PTPN13: variants seen among roughly 807,000 people sequenced by gnomAD.
The protein encoded by PTPN13 is protein tyrosine phosphatase non-receptor type 13.
In PTPN13, 191 loss-of-function variants were observed where a neutral mutation model predicts 284.0. The observed-to-expected ratio is 0.67, with a 90% CI of 0.60 to 0.76. PTPN13 has a LOEUF of 0.76. Ranked by LOEUF, PTPN13 falls within the 30% of genes least tolerant of loss-of-function variation. The pLI, the probability that PTPN13 is intolerant of heterozygous loss-of-function variation, is 0.00. For synonymous variants in PTPN13, 986 were observed against 1,022.3 expected, an observed-to-expected ratio of 0.96 and a Z score of 0.68; for missense variants, 2,797 against 2,939.9, an observed-to-expected ratio of 0.95 and a Z score of 1.12.
chr4:86,720,258 G>A (rs1338638171), intron 9 of PTPN13, among the ~76,000 whole-genome samples: 1 of 152,130 alleles, frequency 6.6e-6, no homozygotes, highest in Non-Finnish European at 1.5e-5. Context: ...GGAGCCTTAT[G>A]TTAATTTTCT....
intron 26 of PTPN13, 55 bp from the exon 27 acceptor site, chr4:86,766,377 G>T: frequency 7.3e-7 from 1 of 1,368,846 alleles, no homozygotes; most frequent in Non-Finnish European, 1.0e-6. Flanking sequence ...AAGACCATAA[G>T]ATTTAAAAGA....
Position 86,807,757 on chromosome 4 carries a change from G to GA in PTPN13, c.6949dup (p.Ile2317AsnfsTer42), listed in dbSNP as rs889656659. On this transcript the variant is annotated frameshift_variant, in exon 45 of 48. Transcript: ENST00000411767. LOFTEE classifies it high-confidence loss of function. ...CATGATGACTCAAGAAGTAGAAGGAGAAAAAATCAAATGCCAGCGCTATTG... is the reference window on the plus strand; with the variant it reads ...CATGATGACTCAAGAAGTAGAAGGAGAAAAAAATCAAATGCCAGCGCTATTG... The GA allele has an allele frequency of 3.1e-6, 5 of 1,613,868 alleles. No individual in the cohort carries two copies. The highest frequency in any genetic ancestry group is 4.2e-6 in the Non-Finnish European group (5 of 1,179,896).
intron 7 of PTPN13, 61 bp downstream of exon 7, chr4:86,701,862 A>G: frequency 6.9e-7 from 1 of 1,440,086 alleles, no homozygotes. Context: ...TTTTTGAAAT[A>G]AAGAAGGGTT....
At chr4:86,740,822 T>C (rs1736093520) in intron 15 of PTPN13, among the ~76,000 whole-genome samples, 1 of 152,016 alleles carries the variant, frequency 6.6e-6, no homozygotes, top group African/African-American at 2.4e-5. Flanking sequence ...TGCTTAGAAA[T>C]TTCTTCCACA....
At chr4:86,695,454 G>A (rs1730498687) in intron 6 of PTPN13, among the ~76,000 whole-genome samples, 1 of 151,838 alleles carries the variant, frequency 6.6e-6, no homozygotes, top group Non-Finnish European at 1.5e-5. Context: ...ACTAATAATA[G>A]CAGCAATTTG....
chr4:86,704,141 G>A lies in PTPN13; in HGVS notation c.1195+2340G>A, dbSNP rs78931944. ...GGAGGTTGCAGTGAACCGAGATCGC[G>A]CCATTGCACCCCAGCCTAGGCAACA... On this transcript the variant is annotated intron_variant, in intron 7 of 47. Coordinates refer to ENST00000411767, the MANE Select transcript of PTPN13 (RefSeq NM_080683.3). Among the ~76,000 whole-genome samples the A allele has an allele frequency of 5.5e-4, 84 of 152,216 alleles. 1 individual carries two copies. The East Asian group carries it at 0.013, about 23-fold the overall frequency.
intron 40 of PTPN13, among the ~76,000 whole-genome samples, chr4:86,792,787 T>C (rs1204235078): frequency 6.6e-6 from 1 of 152,070 alleles, no homozygotes; most frequent in Non-Finnish European, 1.5e-5. Flanking sequence ...AGAAATAAAA[T>C]CCTTTGCAGA....
chr4:86,702,945 C>T (rs1731323614), intron 7 of PTPN13, among the ~76,000 whole-genome samples: 1 of 151,814 alleles, frequency 6.6e-6, no homozygotes, highest in Non-Finnish European at 1.5e-5. Flanking sequence ...AATATATTTC[C>T]TTTAAAGTAT....
intron 2 of PTPN13, among the ~76,000 whole-genome samples, chr4:86,647,196 T>A (rs561759481): frequency 1.3e-5 from 2 of 152,180 alleles, no homozygotes; most frequent in African/African-American, 4.8e-5. Context: ...GAACATCAAA[T>A]TGTACTCTTT....
chr4:86,783,091 G>A (rs1456900475), intron 37 of PTPN13, among the ~76,000 whole-genome samples: 3 of 152,150 alleles, frequency 2.0e-5, no homozygotes. Flanking sequence ...ATGTCAACAT[G>A]AGCTGGCTTT....
At chr4:86,795,665 T>A (rs1472478682) in intron 40 of PTPN13, among the ~76,000 whole-genome samples, 1 of 152,068 alleles carries the variant, frequency 6.6e-6, no homozygotes, top group African/African-American at 2.4e-5. Flanking sequence ...ATAGACTGAA[T>A]AAAGAAAATG....
chr4:86,722,493 C>A, intron 10 of PTPN13, 59 bp downstream of exon 10: 2 of 1,429,548 alleles, frequency 1.4e-6, no homozygotes, highest in Non-Finnish European at 2.0e-6. Context: ...AACTCTTGGG[C>A]AAAGTACTTT....
intron 35 of PTPN13, among the ~76,000 whole-genome samples, chr4:86,778,689 T>TA (rs1740925234): frequency 6.6e-6 from 1 of 152,178 alleles, no homozygotes; most frequent in South Asian, 2.1e-4. Flanking sequence ...TTTTGGTGTA[T>TA]AAGCCATCAA....
intron 10 of PTPN13, among the ~76,000 whole-genome samples, chr4:86,730,342 T>C (rs191057636): frequency 1.3e-5 from 2 of 150,010 alleles, no homozygotes; most frequent in East Asian, 1.9e-4. Context: ...TCTTCAGAGC[T>C]GTCAGACAGG....
At chr4:86,717,698 G>C (rs567404792) in intron 9 of PTPN13, among the ~76,000 whole-genome samples, 2 of 152,198 alleles carry the variant, frequency 1.3e-5, no homozygotes, top group African/African-American at 4.8e-5. Flanking sequence ...TAACAGGAAG[G>C]TCAAGGCATG....
At chr4:86,672,699 A>G (rs1238766983) in intron 3 of PTPN13, among the ~76,000 whole-genome samples, 156 bp downstream of exon 3, 1 of 152,224 alleles carries the variant, frequency 6.6e-6, no homozygotes, top group Admixed American at 6.5e-5. Context: ...AGAATCCAAA[A>G]TAGTTTTATA....
intron 4 of PTPN13, among the ~76,000 whole-genome samples, 179 bp from the exon 5 acceptor site, chr4:86,688,826 T>C (rs1194940024): frequency 6.6e-6 from 1 of 152,224 alleles, no homozygotes; most frequent in Non-Finnish European, 1.5e-5. Context: ...CTTCTGCTAA[T>C]ATATTTTTAA....
At chr4:86,604,437 CTCTT>C in intron 1 of PTPN13, among the ~76,000 whole-genome samples, 1 of 152,050 alleles carries the variant, frequency 6.6e-6, no homozygotes, top group East Asian at 1.9e-4. Context: ...ATAAAAGCAT[CTCTT>C]TATCACTCAG....
chr4:86,634,909 G>T (rs1439300193), intron 1 of PTPN13, among the ~76,000 whole-genome samples: 2 of 152,054 alleles, frequency 1.3e-5, no homozygotes, highest in Non-Finnish European at 2.9e-5. Flanking sequence ...AAATCTGAAA[G>T]GCCTTCAGTT....
Sources: gnomAD v4.1 joint callset for allele counts (sites outside exome capture counted in the v4.1 genomes callset) on GRCh38, gnomAD v4.1.1 for gene constraint, MANE v1.5 for transcripts, NCBI Gene and HGNC (gene_info 2026-07-23, HGNC 2026-07-21) for gene names.